Variants in WDR33 observed in about 807,000 individuals in gnomAD.
The protein encoded by WDR33 is pre-mRNA 3' end processing protein WDR33.
In WDR33, 47 loss-of-function variants were observed where a neutral mutation model predicts 164.9. The ratio of observed to expected loss-of-function variants is 0.29; its 90% CI spans 0.23 to 0.36. WDR33 has a LOEUF of 0.36. Among genes scored for constraint, WDR33 ranks in the 10% least tolerant of loss-of-function variants. The pLI is 1.00. For synonymous variants in WDR33, 505 were observed against 589.0 expected (o/e 0.86, Z 2.06); for missense variants, 1,137 against 1,754.1 (o/e 0.65, Z 6.28).
chr2:127,732,478 C>T (rs75362738), intron 7 of WDR33, among the ~76,000 whole-genome samples: 6,399 of 152,096 alleles, frequency 0.042, 399 homozygotes, highest in African/African-American at 0.14. Context: ...TGCACTATCA[C>T]GTCCAGGTAA....
intron 18 of WDR33, among the ~76,000 whole-genome samples, chr2:127,711,751 G>GATAGATATATATATATAT (rs1157627935): frequency 1.4e-4 from 10 of 71,634 alleles, no homozygotes; most frequent in African/African-American, 8.9e-4. Flanking sequence ...CACATATACA[G>GATAGATATATATATATAT]ATATATATAT....
intron 1 of WDR33, among the ~76,000 whole-genome samples, chr2:127,804,633 G>A (rs910715729): frequency 1.3e-5 from 2 of 152,062 alleles, no homozygotes; most frequent in Admixed American, 6.6e-5. Flanking sequence ...AAAGTACATA[G>A]GAGTTCTTTG....
intron 1 of WDR33, among the ~76,000 whole-genome samples, chr2:127,804,175 G>C (rs1420305800): frequency 6.6e-6 from 1 of 151,966 alleles, no homozygotes; most frequent in Non-Finnish European, 1.5e-5. Context: ...CAAAAAATTA[G>C]CCAGGCATGG....
At chr2:127,775,435 G>A (rs571030739) in intron 1 of WDR33, among the ~76,000 whole-genome samples, 19 of 152,154 alleles carry the variant, frequency 1.2e-4, no homozygotes, top group Admixed American at 1.0e-3. Flanking sequence ...GTGATCCACC[G>A]GCCTTGGCCT....
At chr2:127,729,268 C>A (rs1558927041) in intron 7 of WDR33, among the ~76,000 whole-genome samples, 1 of 152,232 alleles carries the variant, frequency 6.6e-6, no homozygotes, top group African/African-American at 2.4e-5. Flanking sequence ...TGGGACCACA[C>A]TGATGATATG....
intron 7 of WDR33, among the ~76,000 whole-genome samples, chr2:127,745,655 T>C (rs538856780): frequency 6.6e-6 from 1 of 152,234 alleles, no homozygotes; most frequent in South Asian, 2.1e-4. Context: ...AATGTCCAAA[T>C]AAACAGCTCA....
intron 1 of WDR33, among the ~76,000 whole-genome samples, chr2:127,796,417 G>A (rs1417351671): frequency 6.6e-6 from 1 of 151,810 alleles, no homozygotes; most frequent in Non-Finnish European, 1.5e-5. Context: ...TGTGGTTAAG[G>A]AAAATCTCTA....
At chr2:127,805,242 A>AT (rs938252771) in intron 1 of WDR33, among the ~76,000 whole-genome samples, 28 of 149,608 alleles carry the variant, frequency 1.9e-4, no homozygotes, top group Admixed American at 4.7e-4. Flanking sequence ...CAAACCCAGC[A>AT]TTTTTTTTTC....
intron 7 of WDR33, among the ~76,000 whole-genome samples, chr2:127,747,141 A>G (rs1687189606): frequency 6.6e-6 from 1 of 151,908 alleles, no homozygotes; most frequent in Non-Finnish European, 1.5e-5. Flanking sequence ...TATGTGTCTA[A>G]ATTATATGAA....
intron 7 of WDR33, chr2:127,737,473 G>A (rs1686880296): frequency 1.3e-5 from 13 of 986,132 alleles, no homozygotes; most frequent in Non-Finnish European, 1.4e-5. Flanking sequence ...AAGAAAAGCA[G>A]TATATAGTCA....
rs1686364492 is a variant in WDR33 at position 127,719,159 on chromosome 2, T to C, written c.2760+106A>G. ...ATCTTAAGCTACTGTCACTACTTGA[T>C]AAGTATTTATATCCAGCTGTGACCA... On this transcript the variant is annotated intron_variant, in intron 16 of 21. Transcript: ENST00000322313. The surrounding 1 kb of genome is among the most constrained non-coding windows in gnomAD (Gnocchi z 6.5). The C allele has an allele frequency of 7.9e-7, 1 of 1,273,260 alleles. No homozygotes were observed. The highest frequency in any genetic ancestry group is 1.0e-6 in the Non-Finnish European group (1 of 997,048). 78.9% of individuals were successfully genotyped at this position (1,273,260 alleles called of 1,614,324 possible).
intron 1 of WDR33, among the ~76,000 whole-genome samples, chr2:127,773,678 A>T (rs900130833): frequency 6.6e-6 from 1 of 152,150 alleles, no homozygotes; most frequent in Non-Finnish European, 1.5e-5. Flanking sequence ...TATTCCATGA[A>T]TCCAATTAAG....
chr2:127,706,218 G>C lies in WDR33; in HGVS notation c.*105C>G. ...CTGGGATTCAGGTGCCCAGAAAAGA[G>C]TTCAGGGCTACAATGGTGCAGGCTT... On this transcript the variant is annotated 3_prime_UTR_variant, in exon 22 of 22. Transcript: ENST00000322313. This position sits in a 1 kb window ranked among gnomAD's most constrained non-coding sequence, Gnocchi z 5.1. 9.2e-7 allele frequency: 1 copy of C among 1,089,148 alleles called. No homozygotes were observed. Among genetic ancestry groups the C allele is most frequent in the Non-Finnish European group, 1.3e-6 (1 of 792,196 alleles). 67.5% of individuals were successfully genotyped at this position (1,089,148 alleles called of 1,614,324 possible).
chr2:127,701,562 C>A lies in WDR33; in HGVS notation c.*4761G>T. 2 of 1,368,982 alleles carry A rather than the reference C, an allele frequency of 1.5e-6. No individual in the cohort carries two copies. Among genetic ancestry groups the A allele is most frequent in the Non-Finnish European group, 9.4e-7 (1 of 1,059,704 alleles). 84.8% of individuals were successfully genotyped at this position (1,368,982 alleles called of 1,614,324 possible). ...CCTCCACCGCCAGCTGCAGGAGTAC[C>A]TGGCGCAGGGGAAAGCTGGCGGCCC... On this transcript the variant is annotated 3_prime_UTR_variant, in exon 22 of 22. Coordinates refer to ENST00000322313, the MANE Select transcript of WDR33 (RefSeq NM_018383.5).
Position 127,709,632 on chromosome 2 carries a change from C to A in WDR33, c.3473-50G>T. The A allele has an allele frequency of 6.2e-7, 1 of 1,612,906 alleles. No homozygotes were observed. The highest frequency in any genetic ancestry group is 8.5e-7 in the Non-Finnish European group (1 of 1,178,916). On this transcript the variant is annotated intron_variant, in intron 19 of 21. Coordinates refer to ENST00000322313, the MANE Select transcript of WDR33 (RefSeq NM_018383.5). This position sits in a 1 kb window ranked among gnomAD's most constrained non-coding sequence, Gnocchi z 5.0. Reference sequence around the variant, plus strand: ...GCACTCAGACTGTTCCTGGTGTATTCACAACCAGTGTATTCTGCACCCTAT... The same window carrying A: ...GCACTCAGACTGTTCCTGGTGTATTAACAACCAGTGTATTCTGCACCCTAT...
chr2:127,725,744 T>TAA lies in WDR33; in HGVS notation c.852-531_852-530dup, dbSNP rs1230719278. On this transcript the variant is annotated intron_variant, in intron 8 of 21. Coordinates refer to ENST00000322313, the MANE Select transcript of WDR33 (RefSeq NM_018383.5). ...GCGAGACTCTGTCTCAAAATAATAA[T>TAA]AATAATAATAATAATAATAATAATA... Among the ~76,000 whole-genome samples the TAA allele has an allele frequency of 2.6e-4, 20 of 76,374 alleles. No individual in the cohort carries two copies. The South Asian group carries it at 9.6e-3, about 37-fold the overall frequency. The allele number at this position is 76,374 out of a possible 152,430, so 50.1% of individuals were successfully genotyped here. A position where few individuals can be genotyped will look rare whatever the true frequency, so the allele number is the denominator to read the frequency against.
At position 127,716,104 on chromosome 2, in the gene WDR33, G is replaced by A. The variant is rs533769823; in HGVS notation, c.2869+1051C>T. ...GTTTCTCTAGTTCGCTGTGGGCCAC[G>A]TTCCTTCTGTATAGCCTCTGCTACC... is the stretch of plus-strand genomic sequence containing the variant. On this transcript the variant is annotated intron_variant, in intron 17 of 21. Coordinates refer to ENST00000322313, the MANE Select transcript of WDR33 (RefSeq NM_018383.5). The surrounding 1 kb of genome is among the most constrained non-coding windows in gnomAD (Gnocchi z 4.5). 1.3e-5 allele frequency among the ~76,000 whole-genome samples: 2 copies of A among 152,132 alleles called. No individual in the cohort carries two copies. The highest frequency in any genetic ancestry group is 1.5e-5 in the Non-Finnish European group (1 of 68,004).
At position 127,741,513 on chromosome 2, in the gene WDR33, C is replaced by T. The variant is rs1687014172; in HGVS notation, c.725-14736G>A. 6.6e-6 allele frequency among the ~76,000 whole-genome samples: 1 copy of T among 152,174 alleles called. No individual in the cohort carries two copies. The highest frequency in any genetic ancestry group is 2.1e-4 in the South Asian group (1 of 4,836). On this transcript the variant is annotated intron_variant, in intron 7 of 21. Coordinates refer to ENST00000322313, the MANE Select transcript of WDR33 (RefSeq NM_018383.5). The surrounding 1 kb of genome is among the most constrained non-coding windows in gnomAD (Gnocchi z 4.1). ...GCACGTGTGTACACATGTACAAGCA[C>T]ACACACAGACACACGAATCCACAGT...
intron 7 of WDR33, chr2:127,736,422 G>C: frequency 1.2e-5 from 12 of 985,398 alleles, no homozygotes; most frequent in Non-Finnish European, 1.4e-5. Flanking sequence ...GCACAGAAGT[G>C]TTTTTCAAGT....
Sources: gnomAD v4.1 joint callset for allele counts (sites outside exome capture counted in the v4.1 genomes callset) on GRCh38, gnomAD v4.1.1 for gene constraint, Gnocchi (gnomAD v3.1) non-coding constraint, MANE v1.5 for transcripts, NCBI Gene and HGNC (gene_info 2026-07-23, HGNC 2026-07-21) for gene names.